TRPM8: variants seen among roughly 807,000 people sequenced by gnomAD.
TRPM8 encodes TRPM8 cationic channel.
In TRPM8, 110 loss-of-function variants were observed where a neutral mutation model predicts 133.7. The ratio of observed to expected loss-of-function variants is 0.82; its 90% CI spans 0.70 to 0.96. The LOEUF is 0.96. TRPM8 is among the 40% of genes least tolerant of loss of function. TRPM8 has a pLI of 0.00. For synonymous variants in TRPM8, 535 were observed against 532.3 expected (o/e 1.01, Z -0.07); for missense variants, 1,291 against 1,379.5 (o/e 0.94, Z 1.02).
intron 11 of TRPM8, among the ~76,000 whole-genome samples, chr2:233,959,503 G>C (rs575691571): frequency 1.3e-5 from 2 of 151,152 alleles, no homozygotes; most frequent in South Asian, 4.2e-4. Flanking sequence ...TAGAGATGAG[G>C]TTTCACCATG....
In TRPM8 at chr2:233,949,837, C is replaced by T. The variant is rs749444978; in HGVS notation, c.943-112C>T. ...TTAAAATAAAAGCCCCAAAGGAAAA[C>T]GTGTAGGGATGTGTCCGTGTGTTTC... On this transcript the variant is annotated intron_variant, in intron 8 of 25. Transcript: ENST00000324695. The T allele has an allele frequency of 3.5e-4, 300 of 853,016 alleles. 1 individual carries two copies. The highest frequency in any genetic ancestry group is 5.0e-4 in the Non-Finnish European group (275 of 549,748). The allele number at this position is 853,016 out of a possible 1,614,324, so 52.8% of individuals were successfully genotyped here. A position where few individuals can be genotyped will look rare whatever the true frequency, so the allele number is the denominator to read the frequency against.
chr2:233,958,008 G>A (rs563300507), intron 11 of TRPM8, among the ~76,000 whole-genome samples: 31 of 152,260 alleles, frequency 2.0e-4, no homozygotes, highest in Non-Finnish European at 3.4e-4. Context: ...AGCATTATTT[G>A]TTTAAAAATA....
In TRPM8 at chr2:233,969,683, G is replaced by C. The variant is rs1457300713; in HGVS notation, c.2026-12G>C. 1 of 1,542,720 alleles carries C rather than the reference G, an allele frequency of 6.5e-7. No individual in the cohort carries two copies. The highest frequency in any genetic ancestry group is 1.1e-5 in the South Asian group (1 of 89,566). The stretch of plus-strand genomic sequence containing the variant: ...AATAAGGACCTTGTTCTCTGTCTTT[G>C]TTTCCCTGTAGAATTTTCTTTCTAA... On this transcript the variant is annotated splice_polypyrimidine_tract_variant and intron_variant, in intron 15 of 25. Transcript: ENST00000324695.
chr2:233,942,955 G>A (rs1190763298), intron 6 of TRPM8: 5 of 608,522 alleles, frequency 8.2e-6, no homozygotes, highest in Non-Finnish European at 2.9e-6. Context: ...AACAATGAAT[G>A]TTTTGTTCAT....
chr2:234,000,681 CTTTTTT>C (rs11312917), intron 22 of TRPM8, among the ~76,000 whole-genome samples: 1 of 145,478 alleles, frequency 6.9e-6, no homozygotes, highest in Admixed American at 6.8e-5. Context: ...AAGAAACAAC[CTTTTTT>C]TTTTTTTCGG....
intron 8 of TRPM8, among the ~76,000 whole-genome samples, chr2:233,947,931 G>A (rs961479662): frequency 1.3e-5 from 2 of 152,094 alleles, no homozygotes; most frequent in African/African-American, 4.8e-5. Context: ...GTACCCCATA[G>A]GTAGTTTAAA....
chr2:234,008,968 A>G (rs1692764254), intron 24 of TRPM8, among the ~76,000 whole-genome samples: 4 of 152,222 alleles, frequency 2.6e-5, no homozygotes, highest in Non-Finnish European at 4.4e-5. Flanking sequence ...CCCTAAGTCT[A>G]GAGAACGATG....
chr2:233,983,299 C>T (rs965939377), intron 20 of TRPM8, 75 bp downstream of exon 20: 5 of 1,562,100 alleles, frequency 3.2e-6, no homozygotes, highest in Middle Eastern at 1.7e-4. Context: ...CAGGGCTGCC[C>T]CGGAGACCGC....
chr2:233,917,416 A>G lies in TRPM8; in HGVS notation c.-22A>G, dbSNP rs202105841. On this transcript the variant is annotated 5_prime_UTR_variant, in exon 1 of 26. Transcript: ENST00000324695. ...TGGGTGAAAGAAAATCCTGCTTGACAAAAACCGTCACTTAGGGTATGTCAT... is the reference window on the plus strand; with the variant it reads ...TGGGTGAAAGAAAATCCTGCTTGACGAAAACCGTCACTTAGGGTATGTCAT... 137 of 152,334 alleles carry G rather than the reference A, an allele frequency of 9.0e-4. No individual in the cohort carries two copies. Among genetic ancestry groups the G allele is most frequent in the African/African-American group, 3.1e-3 (130 of 41,588 alleles). The allele number at this position is 152,334 out of a possible 1,614,324, so 9.4% of individuals were successfully genotyped here. A position where few individuals can be genotyped will look rare whatever the true frequency, so the allele number is the denominator to read the frequency against.
rs546713477 is a variant in TRPM8, at chr2:233,947,407, G to A, written c.942+252G>A. On this transcript the variant is annotated intron_variant, in intron 8 of 25. Transcript: ENST00000324695. ...TGGCCTTGACAGTCAACCTGCCAAAGAGAAGAGTTGACATTAATTCGGGAG... is the reference window on the plus strand; with the variant it reads ...TGGCCTTGACAGTCAACCTGCCAAAAAGAAGAGTTGACATTAATTCGGGAG... 2.8e-4 allele frequency: 417 copies of A among 1,489,302 alleles called. 3 individuals carry two copies. Among genetic ancestry groups the A allele is most frequent in the Middle Eastern group, 5.3e-4 (3 of 5,692 alleles). 92.3% of individuals were successfully genotyped at this position (1,489,302 alleles called of 1,614,324 possible).
intron 17 of TRPM8, among the ~76,000 whole-genome samples, chr2:233,977,246 C>T (rs759589975): frequency 6.6e-6 from 1 of 152,174 alleles, no homozygotes; most frequent in Non-Finnish European, 1.5e-5. Context: ...CATGCCTTCA[C>T]GGAGGGCACC....
At chr2:234,008,733 G>A (rs11563204) in intron 24 of TRPM8, among the ~76,000 whole-genome samples, 31,787 of 152,018 alleles carry the variant, frequency 0.21, 3,433 homozygotes, top group Middle Eastern at 0.3. Context: ...GTGGCTGTTC[G>A]GTGGGTAGAC....
At chr2:233,981,397 G>T (rs1692004238) in intron 18 of TRPM8, among the ~76,000 whole-genome samples, 1 of 152,128 alleles carries the variant, frequency 6.6e-6, no homozygotes, top group Non-Finnish European at 1.5e-5. Flanking sequence ...AAGCTGGCAG[G>T]GTGAAGTCCC....
At chr2:233,926,105 G>T (rs1231371172) in intron 1 of TRPM8, among the ~76,000 whole-genome samples, 1 of 152,274 alleles carries the variant, frequency 6.6e-6, no homozygotes, top group Non-Finnish European at 1.5e-5. Context: ...GCCAATGCAG[G>T]CTGCTAGCCA....
rs969243567 is a variant in TRPM8, at chr2:233,963,452, C to T, written c.1749+75C>T. 106 of 840,010 alleles carry T rather than the reference C, an allele frequency of 1.3e-4. 1 individual carries two copies. Among genetic ancestry groups the T allele is most frequent in the Middle Eastern group, 2.3e-4 (1 of 4,396 alleles). 52.0% of individuals were successfully genotyped at this position (840,010 alleles called of 1,614,324 possible). A position where few individuals can be genotyped will look rare whatever the true frequency, so the allele number is the denominator to read the frequency against. ...TAACAGTTCTGATCCTCTCAAAATT[C>T]GCATGCCTAATATAAAACATCATCA... On this transcript the variant is annotated intron_variant, in intron 13 of 25. Coordinates refer to ENST00000324695, the MANE Select transcript of TRPM8 (RefSeq NM_024080.5).
intron 2 of TRPM8, among the ~76,000 whole-genome samples, chr2:233,927,908 T>TTCTTTCTCTCTC (rs1559516638): frequency 5.1e-5 from 2 of 38,872 alleles, no homozygotes; most frequent in Non-Finnish European, 8.0e-5. Flanking sequence ...CTTTCTTTCT[T>TTCTTTCTCTCTC]TCTCTCTCTC....
rs28902768 is a variant in TRPM8, at chr2:233,964,525, C to G, written c.1750-103C>G. 4,080 of 1,062,704 alleles carry G rather than the reference C, an allele frequency of 3.8e-3. 136 individuals carry two copies. In the African/African-American group the frequency reaches 0.073, roughly 19 times the overall value. 65.8% of individuals were successfully genotyped at this position (1,062,704 alleles called of 1,614,324 possible). ...CAAGATCGTGCCACAGCACTCCAGC[C>G]TGGGTCACAGAGTGAGACTCCGTCT... On this transcript the variant is annotated intron_variant, in intron 13 of 25. Coordinates refer to ENST00000324695, the MANE Select transcript of TRPM8 (RefSeq NM_024080.5).
rs1692018081 is a variant in TRPM8, at chr2:233,981,881, A to G, written c.2555A>G (p.Asn852Ser). Reference sequence around the variant, plus strand: ...ATCCACATTTTTACTGTAAGCAGAAACTTAGGACCCAAGATTATAATGCTG... The same window carrying G: ...ATCCACATTTTTACTGTAAGCAGAAGCTTAGGACCCAAGATTATAATGCTG... ...RLIHIFTVSRNLGPKIIMLQR... is the reference protein window; with the variant it reads ...RLIHIFTVSRSLGPKIIMLQR... The change falls in exon 19 of 26, where the codon AAC becomes AGC. Residue 852 changes from asparagine to serine, a missense_variant. Asn to Ser is a conservative substitution (Grantham distance 46). Around this residue, in one of 2 missense-constraint regions of TRPM8, gnomAD observed 328 missense variants for 410.6 expected, o/e 0.80. Coordinates refer to ENST00000324695, the MANE Select transcript of TRPM8 (RefSeq NM_024080.5). 1 of 1,613,350 alleles carries G rather than the reference A, an allele frequency of 6.2e-7. No individual in the cohort carries two copies. The highest frequency in any genetic ancestry group is 1.7e-5 in the Admixed American group (1 of 59,866).
At chr2:234,007,032 C>T in intron 23 of TRPM8, 80 bp downstream of exon 23, 1 of 1,002,064 alleles carries the variant, frequency 1.0e-6, no homozygotes, top group Non-Finnish European at 1.5e-6. Flanking sequence ...CTTATTTGAG[C>T]AAACTCAGTA....
Sources: gnomAD v4.1 joint callset for allele counts (sites outside exome capture counted in the v4.1 genomes callset) on GRCh38, gnomAD v4.1.1 for gene constraint, gnomAD v4.1.1 regional missense constraint, MANE v1.5 for transcripts, NCBI Gene and HGNC (gene_info 2026-07-23, HGNC 2026-07-21) for gene names.